HHAT: variants seen among roughly 807,000 people sequenced by gnomAD.
HHAT encodes protein-cysteine N-palmitoyltransferase HHAT.
HHAT carries 47 observed loss-of-function variants against 70.8 expected under a neutral mutation model. The ratio of observed to expected loss-of-function variants is 0.66; its 90% CI spans 0.53 to 0.85. HHAT has a LOEUF of 0.85. Among genes scored for constraint, HHAT ranks in the 40% least tolerant of loss-of-function variants. HHAT has a pLI of 0.00. For synonymous variants in HHAT, 228 were observed against 247.6 expected, an observed-to-expected ratio of 0.92 and a Z score of 0.74; for missense variants, 609 against 604.8, an observed-to-expected ratio of 1.01 and a Z score of -0.07.
At chr1:210,435,506 C>G (rs6657409) in intron 7 of HHAT, among the ~76,000 whole-genome samples, 4,482 of 151,804 alleles carry the variant, frequency 0.03, 348 homozygotes, top group African/African-American at 0.1. Flanking sequence ...ATTGCTGGAT[C>G]ATATGGTGGT....
rs1296939944 is a variant in HHAT, at chr1:210,464,487, G to C, written c.857-18G>C. 4.3e-6 allele frequency: 7 copies of C among 1,613,932 alleles called. No homozygotes were observed. Among genetic ancestry groups the C allele is most frequent in the African/African-American group, 1.3e-5 (1 of 74,910 alleles). On this transcript the variant is annotated intron_variant, in intron 7 of 11. Coordinates refer to ENST00000261458, the MANE Select transcript of HHAT (RefSeq NM_018194.6). ...GTGATTCTCTTCCATGTGTCTGACT[G>C]GTCTGTTTGCCTTTCAGGAGGACTG... is the stretch of plus-strand genomic sequence containing the variant.
chr1:210,427,800 A>G (rs952334851), intron 7 of HHAT, among the ~76,000 whole-genome samples: 3 of 152,004 alleles, frequency 2.0e-5, no homozygotes, highest in African/African-American at 7.2e-5. Flanking sequence ...AGTTCTGCAG[A>G]CATCTATCAG....
At chr1:210,645,847 C>T (rs1202040202) in intron 11 of HHAT, among the ~76,000 whole-genome samples, 1 of 152,156 alleles carries the variant, frequency 6.6e-6, no homozygotes, top group Non-Finnish European at 1.5e-5. Context: ...CTGGAAACCC[C>T]TTACCCAGCT....
intron 3 of HHAT, among the ~76,000 whole-genome samples, chr1:210,385,291 G>A (rs1416879745): frequency 7.4e-6 from 1 of 134,330 alleles, no homozygotes; most frequent in African/African-American, 2.8e-5. Context: ...TATTAAAAAA[G>A]TGTCTTGGCT....
At chr1:210,511,780 CTTT>C (rs201825628) in intron 8 of HHAT, among the ~76,000 whole-genome samples, 39 of 88,452 alleles carry the variant, frequency 4.4e-4, no homozygotes, top group South Asian at 9.1e-4. Flanking sequence ...GCCGCCTGGT[CTTT>C]TTTTTTTTTT....
chr1:210,490,307 A>G (rs536590984), intron 8 of HHAT, among the ~76,000 whole-genome samples: 1 of 152,350 alleles, frequency 6.6e-6, no homozygotes, highest in East Asian at 1.9e-4. Context: ...TAAAGAGAGG[A>G]AAGATATCTC....
chr1:210,633,578 A>G (rs74158954), intron 11 of HHAT, among the ~76,000 whole-genome samples: 4,118 of 152,316 alleles, frequency 0.027, 185 homozygotes, highest in African/African-American at 0.095. Context: ...AGCCACTTTT[A>G]AAACAAAGCC....
intron 8 of HHAT, among the ~76,000 whole-genome samples, chr1:210,511,715 C>T (rs1417052417): frequency 4.0e-5 from 6 of 150,862 alleles, no homozygotes; most frequent in South Asian, 2.1e-4. Context: ...AACCACCACC[C>T]GTTAGGTGTT....
At chr1:210,668,552 G>A (rs546684190) in intron 11 of HHAT, among the ~76,000 whole-genome samples, 12 of 152,032 alleles carry the variant, frequency 7.9e-5, no homozygotes, top group African/African-American at 1.5e-4. Flanking sequence ...CTCCTCCTTC[G>A]CCTTCTACCA....
At chr1:210,534,121 C>T (rs937614336) in intron 9 of HHAT, among the ~76,000 whole-genome samples, 1 of 152,138 alleles carries the variant, frequency 6.6e-6, no homozygotes, top group Non-Finnish European at 1.5e-5. Flanking sequence ...CTTCCCGCCC[C>T]CCACCGCCCC....
At chr1:210,491,640 G>T (rs73077514) in intron 8 of HHAT, among the ~76,000 whole-genome samples, 2,073 of 152,226 alleles carry the variant, frequency 0.014, 52 homozygotes, top group African/African-American at 0.048. Flanking sequence ...CACTTATTGT[G>T]ATTACTTATA....
chr1:210,580,360 G>C (rs1434235993), intron 9 of HHAT, among the ~76,000 whole-genome samples: 1 of 144,622 alleles, frequency 6.9e-6, no homozygotes, highest in Admixed American at 7.3e-5. Context: ...ATCTTCCTTT[G>C]AAAACTTTTC....
intron 2 of HHAT, among the ~76,000 whole-genome samples, chr1:210,350,531 A>G (rs2086921795): frequency 6.6e-6 from 1 of 152,128 alleles, no homozygotes; most frequent in Non-Finnish European, 1.5e-5. Flanking sequence ...TTTTTGGGTG[A>G]CAATGTAAAT....
In HHAT at chr1:210,610,138, A is replaced by G. The variant is rs115004125; in HGVS notation, c.1246-13388A>G. ...AACTTACACTCCCACCAACAGTGTA[A>G]AAGTGTTTTGTTTTGTTTTGTTTTC... On this transcript the variant is annotated intron_variant, in intron 10 of 11. Transcript: ENST00000261458. Among the ~76,000 whole-genome samples the G allele has an allele frequency of 7.8e-3, 1,182 of 152,204 alleles. 8 individuals are homozygous for G. Among genetic ancestry groups the G allele is most frequent in the Non-Finnish European group, 0.012 (838 of 67,996 alleles).
chr1:210,501,170 TATTTTTCTAGCCTCTAATGCCATGC>T (rs2148544827), intron 8 of HHAT, among the ~76,000 whole-genome samples: 1 of 152,388 alleles, frequency 6.6e-6, no homozygotes, highest in Admixed American at 6.5e-5. Flanking sequence ...TGTTCAGTTT[TATTTTTCTAGCCTCTAATGCCATGC>T]CTGGCACATA....
At chr1:210,601,413 G>A (rs901535891) in intron 10 of HHAT, among the ~76,000 whole-genome samples, 2 of 152,080 alleles carry the variant, frequency 1.3e-5, no homozygotes, top group Admixed American at 6.6e-5. Flanking sequence ...GTGGCATTTG[G>A]TAATGGCTCA....
chr1:210,658,566 G>A (rs1254867385), intron 11 of HHAT, among the ~76,000 whole-genome samples: 5 of 151,842 alleles, frequency 3.3e-5, no homozygotes, highest in African/African-American at 1.2e-4. Context: ...TTGACATTGG[G>A]GTGTTCTGTA....
intron 10 of HHAT, chr1:210,589,789 G>A (rs114183511): frequency 6.6e-6 from 1 of 152,182 alleles, no homozygotes; most frequent in Non-Finnish European, 1.5e-5. Flanking sequence ...ACAGGATGAA[G>A]CTCTTGCTTG....
intron 3 of HHAT, among the ~76,000 whole-genome samples, chr1:210,363,946 A>G (rs1349903310): frequency 6.6e-6 from 1 of 152,148 alleles, no homozygotes; most frequent in African/African-American, 2.4e-5. Flanking sequence ...GCCTGTACTA[A>G]TATTTTTCTA....
Sources: allele counts gnomAD v4.1 joint callset (sites outside exome capture counted in the v4.1 genomes callset), GRCh38; gene constraint gnomAD v4.1.1; transcripts MANE v1.5; gene names NCBI Gene and HGNC (gene_info 2026-07-23, HGNC 2026-07-21).